ADAM23: variants seen among roughly 807,000 people sequenced by gnomAD.
The protein encoded by ADAM23 is ADAM metallopeptidase domain 23.
Under a neutral mutation model 120.1 loss-of-function variants are expected in ADAM23, and 33 were observed. The ratio of observed to expected loss-of-function variants is 0.27; its 90% confidence interval spans 0.21 to 0.37. ADAM23 has a LOEUF of 0.37. Ranked by LOEUF, ADAM23 falls within the 10% of genes least tolerant of loss-of-function variation. ADAM23 has a pLI of 1.00. For synonymous variants in ADAM23, 367 were observed against 375.2 expected, an observed-to-expected ratio of 0.98 and a Z score of 0.25; for missense variants, 862 against 1,058.2, an observed-to-expected ratio of 0.81 and a Z score of 2.57.
At chr2:206,469,211 G>A (rs1695605053) in intron 2 of ADAM23, among the ~76,000 whole-genome samples, 1 of 152,022 alleles carries the variant, frequency 6.6e-6, no homozygotes, top group African/African-American at 2.4e-5. Context: ...ACTCCACTTG[G>A]GTATGTAATG....
intron 6 of ADAM23, 45 bp from the exon 7 acceptor site, chr2:206,547,384 G>A: frequency 6.6e-7 from 1 of 1,508,352 alleles, no homozygotes; most frequent in Non-Finnish European, 9.1e-7. Context: ...ATAGAGGCTT[G>A]TTCACATCTT....
At chr2:206,508,672 A>G (rs1415470800) in intron 3 of ADAM23, among the ~76,000 whole-genome samples, 1 of 147,220 alleles carries the variant, frequency 6.8e-6, no homozygotes, top group Admixed American at 6.9e-5. Context: ...AAAAAAAAAA[A>G]GAAAGAAAAA....
intron 6 of ADAM23, among the ~76,000 whole-genome samples, chr2:206,546,337 T>C (rs1169611580): frequency 6.6e-6 from 1 of 152,212 alleles, no homozygotes; most frequent in Non-Finnish European, 1.5e-5. Flanking sequence ...TAATTTTAGA[T>C]ATTTTGATGT....
intron 12 of ADAM23, among the ~76,000 whole-genome samples, chr2:206,561,432 A>C (rs2105822640): frequency 6.6e-6 from 1 of 152,356 alleles, no homozygotes; most frequent in African/African-American, 2.4e-5. Context: ...AGGCAAATGC[A>C]GCTGAAGATT....
chr2:206,496,804 A>T (rs1245717880), intron 3 of ADAM23, among the ~76,000 whole-genome samples: 2 of 152,252 alleles, frequency 1.3e-5, no homozygotes, highest in Non-Finnish European at 2.9e-5. Context: ...ACACAATAAA[A>T]AATGACAAAG....
intron 12 of ADAM23, among the ~76,000 whole-genome samples, chr2:206,561,950 A>T (rs1697776691): frequency 6.6e-6 from 1 of 152,216 alleles, no homozygotes; most frequent in African/African-American, 2.4e-5. Flanking sequence ...ATTGGAGCAC[A>T]GCCTTTTGTG....
At chr2:206,579,223 G>A (rs1188527177) in intron 18 of ADAM23, among the ~76,000 whole-genome samples, 1 of 152,098 alleles carries the variant, frequency 6.6e-6, no homozygotes, top group African/African-American at 2.4e-5. Context: ...CCATGCAAAA[G>A]TTCTTTAGTT....
chr2:206,596,792 G>A (rs550711892), intron 24 of ADAM23, among the ~76,000 whole-genome samples: 6 of 152,142 alleles, frequency 3.9e-5, no homozygotes, highest in African/African-American at 1.4e-4. Context: ...CTGAGGTCAG[G>A]TCACTTACTA....
chr2:206,557,690 G>A (rs1304985170), intron 10 of ADAM23, among the ~76,000 whole-genome samples, 192 bp downstream of exon 10: 4 of 152,096 alleles, frequency 2.6e-5, no homozygotes, highest in South Asian at 4.1e-4. Context: ...AGTTATTCCC[G>A]GAATCCCAAA....
intron 18 of ADAM23, among the ~76,000 whole-genome samples, chr2:206,578,054 G>T (rs932088448): frequency 6.6e-6 from 1 of 152,096 alleles, no homozygotes; most frequent in African/African-American, 2.4e-5. Context: ...GGCTGCACAA[G>T]GTTTTTTTCT....
intron 3 of ADAM23, among the ~76,000 whole-genome samples, chr2:206,523,023 C>A (rs960794799): frequency 6.6e-6 from 1 of 151,946 alleles, no homozygotes; most frequent in Non-Finnish European, 1.5e-5. Flanking sequence ...CTTCTGATAC[C>A]ACCCTCCTCA....
At chr2:206,518,455 A>G (rs531743903) in intron 3 of ADAM23, among the ~76,000 whole-genome samples, 1 of 152,260 alleles carries the variant, frequency 6.6e-6, no homozygotes, top group South Asian at 2.1e-4. Flanking sequence ...CTGGATGAGT[A>G]CTTATATTTT....
intron 18 of ADAM23, among the ~76,000 whole-genome samples, chr2:206,576,910 C>A (rs1181088599): frequency 6.6e-6 from 1 of 152,074 alleles, no homozygotes. Flanking sequence ...AATATGTCAT[C>A]TAAGTGGGTA....
chr2:206,599,184 A>C (rs1407256410), intron 24 of ADAM23, among the ~76,000 whole-genome samples: 1 of 151,390 alleles, frequency 6.6e-6, no homozygotes, highest in Non-Finnish European at 1.5e-5. Flanking sequence ...CAGCCTGGGT[A>C]ACAGAGCGAG....
chr2:206,493,434 G>A (rs975248510), intron 3 of ADAM23, among the ~76,000 whole-genome samples: 29 of 152,110 alleles, frequency 1.9e-4, no homozygotes, highest in African/African-American at 3.6e-4. Flanking sequence ...GTGCAGTGGC[G>A]CGATCTCGGC....
intron 3 of ADAM23, among the ~76,000 whole-genome samples, chr2:206,510,948 C>A (rs1696610866): frequency 6.6e-6 from 1 of 152,228 alleles, no homozygotes; most frequent in African/African-American, 2.4e-5. Flanking sequence ...AAATTCAAGT[C>A]TTTCTTTGAT....
intron 18 of ADAM23, among the ~76,000 whole-genome samples, chr2:206,574,729 A>G (rs1698078081): frequency 6.6e-6 from 1 of 152,182 alleles, no homozygotes; most frequent in Admixed American, 6.6e-5. Context: ...CCACAGATGT[A>G]GCCCTGGCTT....
At chr2:206,611,374 A>C (rs2105865671) in intron 25 of ADAM23, among the ~76,000 whole-genome samples, 1 of 152,342 alleles carries the variant, frequency 6.6e-6, no homozygotes, top group East Asian at 1.9e-4. Context: ...ATAGTGAGTC[A>C]CGCATGTGGC....
rs765922076 is a variant in ADAM23 at position 206,530,908 on chromosome 2, T to A, written c.533T>A (p.Val178Glu). Residue 178 changes from valine (V) to glutamate (E), a missense_variant, in exon 4 of 26, where the codon GTG (valine) becomes GAG (glutamate). Val to Glu is a moderately radical substitution (Grantham distance 121). This residue lies in a region of ADAM23 where 617 missense variants were observed against 813.5 expected (regional missense o/e 0.76). Transcript: ENST00000264377. Reference protein sequence around the residue: ...LNNGLLSSDYVEIHYENGKPQ... With the variant: ...LNNGLLSSDYEEIHYENGKPQ... ...AGTGGTTTGTTGTCTTCTGATTATG[T>A]GGAGATTCACTACGAAAATGGGAAA... 1 of 1,614,016 alleles carries A rather than the reference T, an allele frequency of 6.2e-7. No individual in the cohort carries two copies. Among genetic ancestry groups the A allele is most frequent in the Admixed American group, 1.7e-5 (1 of 60,012 alleles).
Sources: gnomAD v4.1 joint callset for allele counts (sites outside exome capture counted in the v4.1 genomes callset) on GRCh38, gnomAD v4.1.1 for gene constraint, gnomAD v4.1.1 regional missense constraint, MANE v1.5 for transcripts, NCBI Gene and HGNC (gene_info 2026-07-23, HGNC 2026-07-21) for gene names.